The following GSN variants were observed in gnomAD, a reference collection of about 807,000 sequenced individuals.
The protein encoded by GSN is actin-depolymerizing factor.
GSN carries 56 observed loss-of-function variants against 85.7 expected under a neutral mutation model. The observed-to-expected ratio is 0.65, with a 90% CI of 0.53 to 0.82. The LOEUF is 0.82. Among genes scored for constraint, GSN ranks in the 40% least tolerant of loss-of-function variants. The pLI, the probability that GSN is intolerant of heterozygous loss-of-function variation, is 0.00. For missense variants in GSN, 857 were observed against 979.8 expected (o/e 0.87, Z 1.67); for synonymous variants, 373 against 399.1 (o/e 0.93, Z 0.78).
intron 1 of GSN, among the ~76,000 whole-genome samples, chr9:121,268,991 G>A (rs913355790): frequency 4.6e-5 from 7 of 152,212 alleles, no homozygotes; most frequent in African/African-American, 1.7e-4. Context: ...GGGGGTGTGG[G>A]TGAGCAGGAG....
At chr9:121,331,491 C>T (rs991834169) in intron 17 of GSN, 43 bp downstream of exon 17, 5 of 1,201,366 alleles carry the variant, frequency 4.2e-6, no homozygotes, top group Non-Finnish European at 4.9e-6. Flanking sequence ...GGGTCCGTTG[C>T]TTGTGGGGTG....
chr9:121,281,309 A>C (rs2057337588), intron 1 of GSN, 161 bp from the exon 2 acceptor site: 1 of 285,792 alleles, frequency 3.5e-6, no homozygotes, highest in Non-Finnish European at 6.9e-6. Flanking sequence ...CAGGTCTTGC[A>C]GCCTTGGCAG....
In GSN at chr9:121,299,946, A is replaced by G; in HGVS notation, c.-9-2017A>G. ...GCTGTCGCTGCCCGTCCGCGCGGCCACTGCGTCGCGGGGGGCGTCCCAGGC... is the reference window on the plus strand; with the variant it reads ...GCTGTCGCTGCCCGTCCGCGCGGCCGCTGCGTCGCGGGGGGCGTCCCAGGC... On this transcript the variant is annotated intron_variant, in intron 2 of 17. Transcript: ENST00000432226. The surrounding 1 kb of genome is among the most constrained non-coding windows in gnomAD (Gnocchi z 4.2). The G allele has an allele frequency of 1.6e-6, 2 of 1,264,548 alleles. No individual in the cohort carries two copies. The highest frequency in any genetic ancestry group is 2.0e-6 in the Non-Finnish European group (2 of 1,003,654). The allele number at this position is 1,264,548 out of a possible 1,614,324, so 78.3% of individuals were successfully genotyped here.
intron 4 of GSN, chr9:121,309,192 A>T (rs1239774787): frequency 6.6e-6 from 1 of 152,254 alleles, no homozygotes; most frequent in East Asian, 1.9e-4. Flanking sequence ...AGTGGGGTGA[A>T]GTAGAAGGAC....
At chr9:121,276,824 G>T (rs2056740059) in intron 1 of GSN, among the ~76,000 whole-genome samples, 1 of 151,966 alleles carries the variant, frequency 6.6e-6, no homozygotes, top group Non-Finnish European at 1.5e-5. Context: ...GATAGTATTA[G>T]GAGATATACC....
chr9:121,302,205 A>G (rs1588957742), intron 3 of GSN, 38 bp downstream of exon 3: 4 of 1,609,368 alleles, frequency 2.5e-6, no homozygotes, highest in African/African-American at 1.3e-5. Flanking sequence ...CCCAGCCCCC[A>G]TTCTGAACAG....
intron 2 of GSN, among the ~76,000 whole-genome samples, chr9:121,295,659 C>G (rs2059143601): frequency 1.3e-5 from 2 of 152,086 alleles, no homozygotes; most frequent in African/African-American, 4.8e-5. Context: ...GGGCCCAGAG[C>G]TGGTTGTGTT....
At chr9:121,202,218 T>C in the GSN span, among the ~76,000 whole-genome samples, 1 of 152,232 alleles carries the variant, frequency 6.6e-6, no homozygotes, top group Non-Finnish European at 1.5e-5. Context: ...TTTTGAACAA[T>C]TTTTAAAGCC....
At chr9:121,293,413 T>A (rs1213246054) in intron 2 of GSN, among the ~76,000 whole-genome samples, 2 of 152,054 alleles carry the variant, frequency 1.3e-5, no homozygotes, top group Admixed American at 6.5e-5. Flanking sequence ...CTTTCCATTT[T>A]TTTTTTTTTA....
intron 11 of GSN, 105 bp downstream of exon 11, chr9:121,321,506 T>A (rs1472960882): frequency 4.6e-6 from 5 of 1,094,524 alleles, no homozygotes; most frequent in Non-Finnish European, 6.8e-6. Context: ...GGACCACCAC[T>A]CCCTGCTGGG....
chr9:121,320,799 T>C (rs1397936448), intron 10 of GSN, among the ~76,000 whole-genome samples: 1 of 152,250 alleles, frequency 6.6e-6, no homozygotes, highest in East Asian at 1.9e-4. Context: ...GGCCCTGTGC[T>C]AGACTTTCAC....
chr9:121,318,852 T>C lies in GSN; in HGVS notation c.1163T>C (p.Met388Thr). ...ACTGCCATGGCCGCCCAGCACGGCA[T>C]GGATGACGATGGCACAGGCCAGAAA... Reference protein sequence around the residue: ...TSTAMAAQHGMDDDGTGQKQI... With the variant: ...TSTAMAAQHGTDDDGTGQKQI... Residue 388 changes from methionine (M) to threonine (T), a missense_variant, in exon 10 of 18, where the codon ATG becomes ACG. Coordinates refer to ENST00000432226, the MANE Select transcript of GSN (RefSeq NM_198252.3). This position sits in a 1 kb window ranked among gnomAD's most constrained non-coding sequence, Gnocchi z 4.3. 1 of 1,614,032 alleles carries C rather than the reference T, an allele frequency of 6.2e-7. No homozygotes were observed. The highest frequency in any genetic ancestry group is 8.5e-7 in the Non-Finnish European group (1 of 1,179,994).
chr9:121,257,021 G>A (rs573646234), intron 6 of GSN, among the ~76,000 whole-genome samples: 2 of 152,150 alleles, frequency 1.3e-5, no homozygotes, highest in East Asian at 3.9e-4. Flanking sequence ...ACACAAAAAA[G>A]AGAAATGTTT....
rs1425545801 is a variant in GSN at position 121,328,906 on chromosome 9, CCCTGGGCGGGAAGGCT to C, written c.1779_1794del (p.Leu594ProfsTer8). The C allele has an allele frequency of 6.2e-7, 1 of 1,611,814 alleles. No homozygotes were observed. ...CCCCTCACAGATGGCTTCTGGGAGGCCCTGGGCGGGAAGGCTGCCTACCGCACATCCCCACGGCTGA... is the reference window on the plus strand; with the variant it reads ...CCCCTCACAGATGGCTTCTGGGAGGCGCCTACCGCACATCCCCACGGCTGA... On this transcript the variant is annotated frameshift_variant, in exon 15 of 18. Transcript: ENST00000432226. LOFTEE classifies it high-confidence loss of function.
At chr9:121,310,374 G>C in intron 4 of GSN, 2 of 410,004 alleles carry the variant, frequency 4.9e-6, no homozygotes, top group Non-Finnish European at 4.6e-6. Context: ...GGCTACAGGG[G>C]TCCTTGTTAG....
intron 6 of GSN, among the ~76,000 whole-genome samples, chr9:121,254,624 C>G (rs1258257656): frequency 6.6e-6 from 1 of 152,178 alleles, no homozygotes; most frequent in African/African-American, 2.4e-5. Flanking sequence ...AGATTTTTCT[C>G]TCCTCTGAAA....
At chr9:121,316,256 CAA>C (rs974845174) in intron 7 of GSN, among the ~76,000 whole-genome samples, 4 of 152,114 alleles carry the variant, frequency 2.6e-5, no homozygotes, top group African/African-American at 9.7e-5. Context: ...AAAGATAGTA[CAA>C]AGAGTTCCTA....
upstream of GSN, among the ~76,000 whole-genome samples, chr9:121,263,460 G>A (rs772579351): frequency 6.6e-6 from 1 of 152,192 alleles, no homozygotes; most frequent in Non-Finnish European, 1.5e-5. Context: ...AAGGAAAGAG[G>A]TTTAATTGAC....
intron 2 of GSN, among the ~76,000 whole-genome samples, chr9:121,293,547 G>A (rs1163691712): frequency 1.3e-5 from 2 of 151,856 alleles, no homozygotes; most frequent in East Asian, 1.9e-4. Flanking sequence ...TTAGGAGTTC[G>A]AGACCAGCCT....
Sources: gnomAD v4.1 joint callset for allele counts (sites outside exome capture counted in the v4.1 genomes callset) on GRCh38, gnomAD v4.1.1 for gene constraint, Gnocchi (gnomAD v3.1) non-coding constraint, MANE v1.5 for transcripts, NCBI Gene and HGNC (gene_info 2026-07-23, HGNC 2026-07-21) for gene names.